Variants in EYA4 observed in about 807,000 individuals in gnomAD.
EYA4 encodes EYA transcriptional coactivator and phosphatase 4.
A neutral mutation model predicts 87.9 loss-of-function variants in EYA4; 31 were observed. The ratio of observed to expected loss-of-function variants is 0.35; its 90% confidence interval spans 0.27 to 0.48. The LOEUF is 0.48. Ranked by LOEUF, EYA4 falls within the 20% of genes least tolerant of loss-of-function variation. The probability of loss-of-function intolerance (pLI) is 0.99; values close to 1 mark genes in which losing one functional copy is unlikely to be tolerated. For synonymous variants in EYA4, 263 were observed against 270.6 expected (o/e 0.97, Z 0.28); for missense variants, 678 against 761.4 (o/e 0.89, Z 1.29).
intron 1 of EYA4, among the ~76,000 whole-genome samples, chr6:133,272,961 A>G (rs1047565137): frequency 3.2e-4 from 48 of 152,074 alleles, no homozygotes; most frequent in South Asian, 1.0e-3. Flanking sequence ...TTTGGTAAGC[A>G]GAACTGGCAC....
In EYA4 at chr6:133,532,016, T is replaced by G. The variant is rs140619740; in HGVS notation, c.*3211T>G. On this transcript the variant is annotated 3_prime_UTR_variant, in exon 20 of 20. Coordinates refer to ENST00000355286, the MANE Select transcript of EYA4 (RefSeq NM_004100.5). ...TAGTAAAGTATAGATTATTGGGGCC[T>G]ACATAATTTAAAAGAAATGTAAATT... 62 of 152,336 alleles carry G rather than the reference T, an allele frequency of 4.1e-4. No individual in the cohort carries two copies. The highest frequency in any genetic ancestry group is 1.3e-3 in the African/African-American group (55 of 41,592). The allele number at this position is 152,336 out of a possible 1,614,324, so 9.4% of individuals were successfully genotyped here.
At chr6:133,457,172 A>T (rs1793983390) in intron 6 of EYA4, among the ~76,000 whole-genome samples, 1 of 152,214 alleles carries the variant, frequency 6.6e-6, no homozygotes, top group Admixed American at 6.6e-5. Context: ...ATTAGAACCC[A>T]GCCTCTGAGA....
chr6:133,278,459 G>A (rs1029318359), intron 2 of EYA4, among the ~76,000 whole-genome samples: 3 of 152,098 alleles, frequency 2.0e-5, no homozygotes, highest in Non-Finnish European at 4.4e-5. Flanking sequence ...GGTGGATCTC[G>A]TTCATCTCGT....
chr6:133,476,725 A>G (rs212775), intron 11 of EYA4, among the ~76,000 whole-genome samples: 52,685 of 152,004 alleles, frequency 0.35, 10,313 homozygotes, highest in Non-Finnish European at 0.44. Flanking sequence ...AAGTGCAGAT[A>G]TCTCTTCAAC....
Position 133,529,896 on chromosome 6 carries a change from AGAG to A in EYA4, c.*1097_*1099del. The A allele has an allele frequency of 5.1e-6, 5 of 985,226 alleles. No homozygotes were observed. Among genetic ancestry groups the A allele is most frequent in the Non-Finnish European group, 6.0e-6 (5 of 829,702 alleles). The allele number at this position is 985,226 out of a possible 1,614,324, so 61.0% of individuals were successfully genotyped here. ...GACTTTTGATATGTGTAAGTTGCAT[AGAG>A]GAGGATATTATCATGCAAATCATGA... is the stretch of plus-strand genomic sequence containing the variant. On this transcript the variant is annotated 3_prime_UTR_variant, in exon 20 of 20. Coordinates refer to ENST00000355286, the MANE Select transcript of EYA4 (RefSeq NM_004100.5).
At chr6:133,240,991 G>T (rs1347864458), upstream of EYA4, among the ~76,000 whole-genome samples, 1 of 151,518 alleles carries the variant, frequency 6.6e-6, no homozygotes, top group African/African-American at 2.4e-5. Context: ...GCGGTCGCGG[G>T]TCCCTCCCCT....
intron 3 of EYA4, among the ~76,000 whole-genome samples, chr6:133,417,482 A>G (rs1441600761): frequency 6.6e-6 from 1 of 152,140 alleles, no homozygotes; most frequent in African/African-American, 2.4e-5. Context: ...GAAAAGGTGA[A>G]TATGACATAT....
chr6:133,294,513 G>T (rs1334231386), intron 2 of EYA4, among the ~76,000 whole-genome samples: 1 of 134,478 alleles, frequency 7.4e-6, no homozygotes, highest in East Asian at 2.2e-4. Flanking sequence ...TCACCACTCT[G>T]CTCAGTCTCT....
At chr6:133,496,310 A>T (rs1368816264) in intron 13 of EYA4, among the ~76,000 whole-genome samples, 1 of 152,218 alleles carries the variant, frequency 6.6e-6, no homozygotes, top group Non-Finnish European at 1.5e-5. Flanking sequence ...TATTTCCACA[A>T]TATGCATGTT....
At chr6:133,488,703 C>T (rs1796886972) in intron 13 of EYA4, among the ~76,000 whole-genome samples, 1 of 152,164 alleles carries the variant, frequency 6.6e-6, no homozygotes, top group African/African-American at 2.4e-5. Flanking sequence ...GCTTGGGTGC[C>T]CCCATTTAAT....
At chr6:133,448,489 C>A (rs996502648) in intron 5 of EYA4, among the ~76,000 whole-genome samples, 7 of 151,848 alleles carry the variant, frequency 4.6e-5, no homozygotes, top group South Asian at 2.1e-4. Flanking sequence ...TTTTGCCCAA[C>A]AACTGCCATG....
At chr6:133,423,034 C>CT (rs999193474) in intron 3 of EYA4, among the ~76,000 whole-genome samples, 1 of 152,042 alleles carries the variant, frequency 6.6e-6, no homozygotes, top group Non-Finnish European at 1.5e-5. Context: ...TCTACTCAGC[C>CT]TTTTTTTGGA....
chr6:133,284,099 A>G (rs1777843713), intron 2 of EYA4, among the ~76,000 whole-genome samples: 1 of 152,250 alleles, frequency 6.6e-6, no homozygotes, highest in Non-Finnish European at 1.5e-5. Flanking sequence ...GTCATAGAGT[A>G]TGTATTAAAA....
Position 133,529,059 on chromosome 6 carries a change from A to G in EYA4, c.*254A>G. 7.9e-7 allele frequency: 1 copy of G among 1,259,200 alleles called. No individual in the cohort carries two copies. Among genetic ancestry groups the G allele is most frequent in the Non-Finnish European group, 1.0e-6 (1 of 989,944 alleles). 78.0% of individuals were successfully genotyped at this position (1,259,200 alleles called of 1,614,324 possible). A position where few individuals can be genotyped will look rare whatever the true frequency, so the allele number is the denominator to read the frequency against. Reference sequence around the variant, plus strand: ...AAAAATCTGTGGAGGTTGCTGGTACACACCAAATGAGTCCAAACTGGAATG... The same window carrying G: ...AAAAATCTGTGGAGGTTGCTGGTACGCACCAAATGAGTCCAAACTGGAATG... On this transcript the variant is annotated 3_prime_UTR_variant, in exon 20 of 20. Transcript: ENST00000355286.
chr6:133,269,920 G>A (rs1163314940), intron 1 of EYA4, among the ~76,000 whole-genome samples: 1 of 152,216 alleles, frequency 6.6e-6, no homozygotes, highest in Non-Finnish European at 1.5e-5. Context: ...GCCAGTGCGA[G>A]TCCCAAAACT....
At chr6:133,314,894 G>A (rs1167300811) in intron 2 of EYA4, among the ~76,000 whole-genome samples, 3 of 152,180 alleles carry the variant, frequency 2.0e-5, no homozygotes, top group Non-Finnish European at 4.4e-5. Flanking sequence ...AGCTGAAATT[G>A]GAATCCATGA....
rs143921863 is a variant in EYA4 at position 133,340,676 on chromosome 6, G to A, written c.34-41716G>A. Among the ~76,000 whole-genome samples the A allele has an allele frequency of 4.3e-3, 652 of 152,326 alleles. 1 individual carries two copies. The highest frequency in any genetic ancestry group is 5.9e-3 in the Non-Finnish European group (404 of 68,030). On this transcript the variant is annotated intron_variant, in intron 2 of 19. Transcript: ENST00000355286. Reference sequence around the variant, plus strand: ...GCCAAGAGGCGGCAGAGGAGGGAAAGTGAGGAGAGGGACTCGAAGCTGAGG... The same window carrying A: ...GCCAAGAGGCGGCAGAGGAGGGAAAATGAGGAGAGGGACTCGAAGCTGAGG...
chr6:133,448,165 C>A lies in EYA4; in HGVS notation c.263C>A (p.Pro88His), dbSNP rs727503050. ...GACTGGTTGCTGAGTTGCAACACCC[C>A]CTCTTCTGCAACAAGTATGAGAGAT... is the stretch of plus-strand genomic sequence containing the variant. ...TADWLLSCNT[P>H]SSATMSLLAV... The change falls in exon 5 of 20, where the codon CCC becomes CAC. Residue 88 changes from proline (P) to histidine (H), a missense_variant. Transcript: ENST00000355286. The A allele has an allele frequency of 6.2e-7, 1 of 1,613,052 alleles. No individual in the cohort carries two copies. Among genetic ancestry groups the A allele is most frequent in the Non-Finnish European group, 8.5e-7 (1 of 1,179,052 alleles).
chr6:133,435,981 G>A (rs1335935760), intron 3 of EYA4, among the ~76,000 whole-genome samples: 1 of 152,128 alleles, frequency 6.6e-6, no homozygotes, highest in African/African-American at 2.4e-5. Flanking sequence ...AGCACTTTGG[G>A]AGGCTGAGGC....
Sources: gnomAD v4.1 joint callset for allele counts (sites outside exome capture counted in the v4.1 genomes callset) on GRCh38, gnomAD v4.1.1 for gene constraint, MANE v1.5 for transcripts, NCBI Gene and HGNC (gene_info 2026-07-23, HGNC 2026-07-21) for gene names.